CHRNA1: variants seen among roughly 807,000 people sequenced by gnomAD.
The protein encoded by CHRNA1 is cholinergic receptor nicotinic alpha 1 subunit.
Under a neutral mutation model 47.1 loss-of-function variants are expected in CHRNA1, and 35 were observed. The ratio of observed to expected loss-of-function variants is 0.74; its 90% confidence interval spans 0.57 to 0.99. The LOEUF is 0.99. Ranked by LOEUF, CHRNA1 falls within the 50% of genes least tolerant of loss-of-function variation. The pLI is 0.00. For synonymous variants in CHRNA1, 229 were observed against 223.6 expected, an observed-to-expected ratio of 1.02 and a Z score of -0.22; for missense variants, 506 against 591.1, an observed-to-expected ratio of 0.86 and a Z score of 1.49.
intron 6 of CHRNA1, among the ~76,000 whole-genome samples, chr2:174,752,380 G>C (rs971889421): frequency 6.6e-6 from 1 of 152,080 alleles, no homozygotes; most frequent in Admixed American, 6.5e-5. Flanking sequence ...GACTGGCCTC[G>C]GCAACATGGT....
chr2:174,763,330 G>GTGCA (rs919743617), intron 1 of CHRNA1, among the ~76,000 whole-genome samples: 1 of 55,064 alleles, frequency 1.8e-5, no homozygotes, highest in African/African-American at 4.2e-5. Context: ...GCACGCGCGC[G>GTGCA]CACACACACA....
chr2:174,752,486 C>T lies in CHRNA1; in HGVS notation c.778+1017G>A, dbSNP rs7588940. ...TCAGGAGGCTGAGGTGAAAGGGTCA[C>T]TTGAGCTCAGGAGGTTGAGGCTGCA... is the stretch of plus-strand genomic sequence containing the variant. On this transcript the variant is annotated intron_variant, in intron 6 of 8. Coordinates refer to ENST00000348749, the MANE Select transcript of CHRNA1 (RefSeq NM_000079.4). Among the ~76,000 whole-genome samples, 359 of 152,222 alleles carry T rather than the reference C, an allele frequency of 2.4e-3. 2 individuals are homozygous for T. The highest frequency in any genetic ancestry group is 8.3e-3 in the African/African-American group (344 of 41,550).
chr2:174,757,396 T>C (rs1274647797), intron 4 of CHRNA1, among the ~76,000 whole-genome samples, 170 bp downstream of exon 4: 1 of 151,930 alleles, frequency 6.6e-6, no homozygotes, highest in Non-Finnish European at 1.5e-5. Context: ...CCTCAAGCAA[T>C]CCTCCCACCT....
Position 174,764,395 on chromosome 2 carries a change from G to T in CHRNA1, c.-1C>A, listed in dbSNP as rs747801974. 5.6e-6 allele frequency: 9 copies of T among 1,612,602 alleles called. No homozygotes were observed. Among genetic ancestry groups the T allele is most frequent in the Non-Finnish European group, 7.6e-6 (9 of 1,179,400 alleles). ...GCAGGAGGAGAGGCCAGGGCTCCAT[G>T]GGCTACCGGAGCTTGTGTGGACCAG... On this transcript the variant is annotated 5_prime_UTR_variant, in exon 1 of 9. Coordinates refer to ENST00000348749, the MANE Select transcript of CHRNA1 (RefSeq NM_000079.4).
chr2:174,751,848 T>C (rs1683858514), intron 6 of CHRNA1, among the ~76,000 whole-genome samples: 1 of 151,826 alleles, frequency 6.6e-6, no homozygotes, highest in Admixed American at 6.6e-5. Context: ...CTGGCTAATT[T>C]TTTGTATTTT....
Position 174,748,625 on chromosome 2 carries a change from G to C in CHRNA1, c.1197C>G (p.Ile399Met). Residue 399 changes from isoleucine (I) to methionine (M), a missense_variant, in exon 8 of 9, where the codon ATC (isoleucine) becomes ATG (methionine). Physicochemically the swap from Ile to Met is conservative, Grantham distance 10. Transcript: ENST00000348749. ...ACTTCATGGTCTCTGCGATGTACTT[G>C]ATGCCCTCGATGGCACTTTTCACCT... The part of the protein sequence containing the change: ...HPEVKSAIEG[I>M]KYIAETMKSD... The C allele has an allele frequency of 6.2e-7, 1 of 1,614,116 alleles. No homozygotes were observed. Among genetic ancestry groups the C allele is most frequent in the Non-Finnish European group, 8.5e-7 (1 of 1,179,960 alleles).
intron 3 of CHRNA1, chr2:174,758,161 C>G: frequency 7.8e-7 from 1 of 1,274,030 alleles, no homozygotes; most frequent in Non-Finnish European, 1.1e-6. Flanking sequence ...GTAATCCCAG[C>G]ACTTTGGGAG....
intron 6 of CHRNA1, 149 bp downstream of exon 6, chr2:174,753,354 G>T (rs373695811): frequency 1.2e-6 from 1 of 841,996 alleles, no homozygotes; most frequent in Non-Finnish European, 2.1e-6. Context: ...TCACCACTGC[G>T]CACGCCCACT....
At chr2:174,751,192 T>C (rs1433581401) in intron 6 of CHRNA1, among the ~76,000 whole-genome samples, 2 of 152,192 alleles carry the variant, frequency 1.3e-5, no homozygotes, top group East Asian at 3.8e-4. Flanking sequence ...AGCCCCCACC[T>C]CTTTTCTGCA....
At chr2:174,754,168 C>G in intron 5 of CHRNA1, 51 bp downstream of exon 5, 1 of 1,562,996 alleles carries the variant, frequency 6.4e-7, no homozygotes, top group Non-Finnish European at 8.8e-7. Context: ...GTTGGAGACC[C>G]GAATCACAAT....
Position 174,757,598 on chromosome 2 carries a change from C to A in CHRNA1, c.312G>T (p.Lys104Asn), listed in dbSNP as rs759894314. ...AGAGAACAAGGTCTGGGCGCCAGAT[C>A]TTTTCTGAAGGAATGTGAATTTTTT... ...GVKKIHIPSE[K>N]IWRPDLVLYN... Residue 104 changes from lysine (K) to asparagine (N), a missense_variant, in exon 4 of 9, where the codon AAG becomes AAT. Physicochemically the swap from Lys to Asn is moderately conservative, Grantham distance 94 (BLOSUM62 0). Transcript: ENST00000348749. 1 of 1,614,166 alleles carries A rather than the reference C, an allele frequency of 6.2e-7. No individual in the cohort carries two copies. The highest frequency in any genetic ancestry group is 8.5e-7 in the Non-Finnish European group (1 of 1,180,022).
At chr2:174,757,812 T>G in intron 3 of CHRNA1, 137 bp from the exon 4 acceptor site, 2 of 997,798 alleles carry the variant, frequency 2.0e-6, no homozygotes, top group Non-Finnish European at 3.1e-6. Flanking sequence ...GATTCAGAAT[T>G]TAGCTTTCAC....
chr2:174,754,252 C>T lies in CHRNA1; in HGVS notation c.507G>A (p.Trp169Ter). ...TGGCCACGACAGAGCCGTCGTAGGT[C>T]CAGGTGCCCAGCTTCATGCTGCAGT... ...EQNCSMKLGTWTYDGSVVAIN... is the reference protein window; with the variant it reads ...EQNCSMKLGT The change falls in exon 5 of 9, where the codon TGG becomes TGA. Residue 169 changes from tryptophan to a stop codon, truncating the protein, a stop_gained. Transcript: ENST00000348749. LOFTEE classifies it high-confidence loss of function. The T allele has an allele frequency of 6.2e-7, 1 of 1,613,974 alleles. No homozygotes were observed. Among genetic ancestry groups the T allele is most frequent in the Non-Finnish European group, 8.5e-7 (1 of 1,179,990 alleles).
In CHRNA1 at chr2:174,748,561, T is replaced by G. The variant is rs1683781669; in HGVS notation, c.1242+19A>C. On this transcript the variant is annotated intron_variant, in intron 8 of 8. Transcript: ENST00000348749. ...ACCATTTAAACCCAGAGGCATGAAT[T>G]TCAAGCCACGAAGCTTACATTGTTA... The G allele has an allele frequency of 1.2e-6, 2 of 1,608,606 alleles. No individual in the cohort carries two copies. Among genetic ancestry groups the G allele is most frequent in the South Asian group, 2.2e-5 (2 of 90,868 alleles).
chr2:174,758,044 A>G, intron 3 of CHRNA1: 1 of 1,614,056 alleles, frequency 6.2e-7, no homozygotes, highest in South Asian at 1.1e-5. Context: ...GAAAAGGAGA[A>G]AGACCTAGTG....
chr2:174,761,799 C>T (rs2105353721), intron 1 of CHRNA1, among the ~76,000 whole-genome samples: 1 of 152,304 alleles, frequency 6.6e-6, no homozygotes, highest in East Asian at 1.9e-4. Flanking sequence ...ATCCTTCTGT[C>T]CTCTATGCAT....
intron 1 of CHRNA1, among the ~76,000 whole-genome samples, chr2:174,759,925 C>T (rs1235558272): frequency 1.0e-5 from 1 of 98,802 alleles, no homozygotes; most frequent in Non-Finnish European, 2.3e-5. Flanking sequence ...TCAAGTTTGC[C>T]AGGTACACAC....
At chr2:174,753,943 G>C (rs1206714143) in intron 5 of CHRNA1, among the ~76,000 whole-genome samples, 6 of 152,094 alleles carry the variant, frequency 3.9e-5, no homozygotes. Context: ...TCTCCATTTT[G>C]GCTACACATT....
Position 174,748,819 on chromosome 2 carries a change from C to G in CHRNA1, c.1003G>C (p.Val335Leu). 1 of 1,613,894 alleles carries G rather than the reference C, an allele frequency of 6.2e-7. No individual in the cohort carries two copies. Among genetic ancestry groups the G allele is most frequent in the Non-Finnish European group, 8.5e-7 (1 of 1,179,978 alleles). Reference protein sequence around the residue: ...THVMPNWVRKVFIDTIPNIMF... With the variant: ...THVMPNWVRKLFIDTIPNIMF... ...ATATTTGGGATAGTGTCGATAAAAA[C>G]CTAACATAAAAAAGAAATCCATGCA... Residue 335 changes from valine to leucine, a missense_variant and splice_region_variant, in exon 8 of 9, where the codon GTT becomes CTT. Coordinates refer to ENST00000348749, the MANE Select transcript of CHRNA1 (RefSeq NM_000079.4).
Sources: allele counts gnomAD v4.1 joint callset (sites outside exome capture counted in the v4.1 genomes callset), GRCh38; gene constraint gnomAD v4.1.1; transcripts MANE v1.5; gene names NCBI Gene and HGNC (gene_info 2026-07-23, HGNC 2026-07-21).